LRIG2: variants seen among roughly 807,000 people sequenced by gnomAD.
LRIG2 encodes leucine-rich repeats and immunoglobulin-like domains protein 2.
Under a neutral mutation model 107.8 loss-of-function variants are expected in LRIG2, and 93 were observed. The observed-to-expected ratio is 0.86, with a 90% CI of 0.73 to 1.03. LRIG2 has a LOEUF of 1.03. Ranked by LOEUF, LRIG2 falls within the 50% of genes least tolerant of loss-of-function variation. The pLI is 0.00. For synonymous variants in LRIG2, 471 were observed against 470.6 expected, an observed-to-expected ratio of 1.00 and a Z score of -0.01; for missense variants, 1,226 against 1,296.0, an observed-to-expected ratio of 0.95 and a Z score of 0.83.
intron 16 of LRIG2, among the ~76,000 whole-genome samples, chr1:113,118,346 A>G (rs1404719334): frequency 6.6e-6 from 1 of 152,214 alleles, no homozygotes. Context: ...TCTGTCAACC[A>G]TGTACTTGTC....
In LRIG2 at chr1:113,124,067, C is replaced by T. The variant is rs1254761551; in HGVS notation, c.3164C>T (p.Thr1055Ile). The change falls in exon 18 of 18, where the codon ACT (threonine) becomes ATT (isoleucine). Residue 1055 changes from threonine to isoleucine, a missense_variant. By Grantham distance (89) the Thr-to-Ile change is moderately conservative. This residue lies in a region of LRIG2 where 642 missense variants were observed against 712.2 expected (regional missense o/e 0.90). Transcript: ENST00000361127. The part of the protein sequence containing the change: ...LQDHAFDFSR[T>I]RNIQDGSEGT ...GATCATGCTTTTGATTTTAGTAGGACTCGGAACATTCAAGATGGTAGTGAG... is the reference window on the plus strand; with the variant it reads ...GATCATGCTTTTGATTTTAGTAGGATTCGGAACATTCAAGATGGTAGTGAG... The T allele has an allele frequency of 1.9e-6, 3 of 1,613,966 alleles. No homozygotes were observed. Among genetic ancestry groups the T allele is most frequent in the Admixed American group, 3.3e-5 (2 of 59,992 alleles).
rs1268133752 is a variant in LRIG2, at chr1:113,110,486, TGAA to T, written c.1724_1726del (p.Glu575del). The T allele has an allele frequency of 6.2e-7, 1 of 1,613,700 alleles. No individual in the cohort carries two copies. Among genetic ancestry groups the T allele is most frequent in the Non-Finnish European group, 8.5e-7 (1 of 1,179,528 alleles). On this transcript the variant is annotated inframe_deletion, in exon 13 of 18. Transcript: ENST00000361127. ...ATCTTTTCAATGTGAATTTCACAGA[TGAA>T]GGAAAATATCAGTGTATTGTTACTA...
chr1:113,087,108 A>C (rs756839377), intron 1 of LRIG2, among the ~76,000 whole-genome samples: 1 of 152,138 alleles, frequency 6.6e-6, no homozygotes, highest in Admixed American at 6.6e-5. Flanking sequence ...TCACCACTGC[A>C]TTTCAGCCTA....
chr1:113,108,514 G>A (rs1305573828), intron 12 of LRIG2, among the ~76,000 whole-genome samples: 18 of 151,140 alleles, frequency 1.2e-4, no homozygotes, highest in Admixed American at 9.9e-4. Context: ...GTGAGCCACC[G>A]TGCCCAGACA....
At chr1:113,111,781 C>G (rs1407767343) in intron 13 of LRIG2, among the ~76,000 whole-genome samples, 2 of 151,946 alleles carry the variant, frequency 1.3e-5, no homozygotes, top group African/African-American at 4.8e-5. Flanking sequence ...TTTTAGCATG[C>G]AGTTTCCTTG....
chr1:113,116,176 C>T lies in LRIG2; in HGVS notation c.2531-111C>T, dbSNP rs1431596313. ...CCAAGAGCTGTTGCGGTCCTAGGTA[C>T]GTACAGTTTTTCTTGCTAATAGTAT... On this transcript the variant is annotated intron_variant, in intron 15 of 17. Transcript: ENST00000361127. 5 of 776,982 alleles carry T rather than the reference C, an allele frequency of 6.4e-6. No homozygotes were observed. In the African/African-American group the frequency reaches 7.0e-5, roughly 11 times the overall value. The allele number at this position is 776,982 out of a possible 1,614,324, so 48.1% of individuals were successfully genotyped here.
chr1:113,130,274 A>C lies in LRIG2; in HGVS notation c.*6173A>C, dbSNP rs983776999. 5 of 152,226 alleles carry C rather than the reference A, an allele frequency of 3.3e-5. No individual in the cohort carries two copies. Among genetic ancestry groups the C allele is most frequent in the Non-Finnish European group, 5.9e-5 (4 of 68,046 alleles). The allele number at this position is 152,226 out of a possible 1,614,324, so 9.4% of individuals were successfully genotyped here. A position where few individuals can be genotyped will look rare whatever the true frequency, so the allele number is the denominator to read the frequency against. On this transcript the variant is annotated 3_prime_UTR_variant, in exon 18 of 18. Transcript: ENST00000361127. ...AAGCTCCCCTAAAGTGCCAACTCAG[A>C]ATAACTTTCATGTTTAAAAACAGCT...
Position 113,096,248 on chromosome 1 carries a change from G to T in LRIG2, c.974G>T (p.Arg325Leu). 6.2e-7 allele frequency: 1 copy of T among 1,614,062 alleles called. No individual in the cohort carries two copies. The change falls in exon 8 of 18, where the codon CGC becomes CTC. Residue 325 changes from arginine (R) to leucine (L), a missense_variant. Arg to Leu is a moderately radical substitution (Grantham distance 102, BLOSUM62 -2). Around this residue, in one of 3 missense-constraint regions of LRIG2, gnomAD observed 570 missense variants for 550.2 expected, o/e 1.04. Coordinates refer to ENST00000361127, the MANE Select transcript of LRIG2 (RefSeq NM_014813.3). ...GATTTGTCCTATAACCAGCTGACCCGCCTGGATGAATCTGCCTTTGTGGGT... is the reference window on the plus strand; with the variant it reads ...GATTTGTCCTATAACCAGCTGACCCTCCTGGATGAATCTGCCTTTGTGGGT... The part of the protein sequence containing the change: ...ELDLSYNQLT[R>L]LDESAFVGLS...
chr1:113,123,198 T>A (rs1655334196), intron 17 of LRIG2, among the ~76,000 whole-genome samples: 1 of 152,226 alleles, frequency 6.6e-6, no homozygotes. Context: ...AATCAATGAT[T>A]ATTACCTATC....
intron 1 of LRIG2, 57 bp downstream of exon 1, chr1:113,073,702 G>C: frequency 6.7e-7 from 1 of 1,495,808 alleles, no homozygotes; most frequent in South Asian, 1.2e-5. Context: ...CCCTCTACAG[G>C]GGGCAGGCAG....
chr1:113,101,389 T>A (rs1654304659), intron 11 of LRIG2, among the ~76,000 whole-genome samples: 1 of 152,146 alleles, frequency 6.6e-6, no homozygotes, highest in Admixed American at 6.5e-5. Context: ...TAAACTCTAT[T>A]GATTCAAATA....
intron 17 of LRIG2, among the ~76,000 whole-genome samples, chr1:113,122,009 C>A (rs1290953881): frequency 6.7e-6 from 1 of 150,330 alleles, no homozygotes; most frequent in African/African-American, 2.4e-5. Flanking sequence ...TTTACTACTT[C>A]ATGTCCCACA....
chr1:113,077,066 A>G (rs970599103), intron 1 of LRIG2, among the ~76,000 whole-genome samples: 4 of 152,310 alleles, frequency 2.6e-5, no homozygotes, highest in Non-Finnish European at 4.4e-5. Context: ...GGACGCTTCT[A>G]TAGATTATAT....
intron 3 of LRIG2, 71 bp from the exon 4 acceptor site, chr1:113,093,359 A>C: frequency 6.4e-7 from 1 of 1,569,126 alleles, no homozygotes; most frequent in Non-Finnish European, 8.7e-7. Flanking sequence ...TATATTGTTG[A>C]TTCTAATTAA....
At chr1:113,100,713 C>G (rs1204030080) in intron 11 of LRIG2, 11 of 389,370 alleles carry the variant, frequency 2.8e-5, no homozygotes, top group Non-Finnish European at 5.3e-5. Context: ...TTTGCCTGTT[C>G]TACCAATGCT....
intron 1 of LRIG2, among the ~76,000 whole-genome samples, chr1:113,085,058 G>A (rs1653486885): frequency 6.6e-6 from 1 of 152,154 alleles, no homozygotes; most frequent in Admixed American, 6.5e-5. Context: ...ACTTTACTTT[G>A]TTGTAAACCA....
rs1655655498 is a variant in LRIG2 at position 113,130,247 on chromosome 1, C to T, written c.*6146C>T. ...AAATAGCAGGAACCCATTCCAATGT[C>T]CAAGCTCCCCTAAAGTGCCAACTCA... On this transcript the variant is annotated 3_prime_UTR_variant, in exon 18 of 18. Transcript: ENST00000361127. 6.6e-6 allele frequency: 1 copy of T among 152,156 alleles called. No homozygotes were observed. The highest frequency in any genetic ancestry group is 1.5e-5 in the Non-Finnish European group (1 of 68,032). The allele number at this position is 152,156 out of a possible 1,614,324, so 9.4% of individuals were successfully genotyped here. A position where few individuals can be genotyped will look rare whatever the true frequency, so the allele number is the denominator to read the frequency against.
Position 113,105,927 on chromosome 1 carries a change from TC to T in LRIG2, c.1314-1666del, listed in dbSNP as rs1221067736. On this transcript the variant is annotated intron_variant, in intron 11 of 17. Coordinates refer to ENST00000361127, the MANE Select transcript of LRIG2 (RefSeq NM_014813.3). ...GTTGAACAATGTAAGTCAATTTTTT[TC>T]ATTCTTAAAATTGAAACTTTGCCAG... is the stretch of plus-strand genomic sequence containing the variant. 2.0e-5 allele frequency among the ~76,000 whole-genome samples: 3 copies of T among 152,322 alleles called. No homozygotes were observed. The East Asian group carries it at 5.8e-4, about 29-fold the overall frequency.
chr1:113,079,073 G>A lies in LRIG2; in HGVS notation c.239+5428G>A, dbSNP rs1019663058. On this transcript the variant is annotated intron_variant, in intron 1 of 17. Coordinates refer to ENST00000361127, the MANE Select transcript of LRIG2 (RefSeq NM_014813.3). ...GAAAATGAGCCCTGTGACCTGGTGC[G>A]GTGGCTCACGCCTGTAATCCCAGCA... Among the ~76,000 whole-genome samples the A allele has an allele frequency of 5.3e-5, 8 of 152,170 alleles. No individual in the cohort carries two copies. In the East Asian group the frequency reaches 5.8e-4, roughly 11 times the overall value.
Sources: gnomAD v4.1 joint callset for allele counts (sites outside exome capture counted in the v4.1 genomes callset) on GRCh38, gnomAD v4.1.1 for gene constraint, gnomAD v4.1.1 regional missense constraint, MANE v1.5 for transcripts, NCBI Gene and HGNC (gene_info 2026-07-23, HGNC 2026-07-21) for gene names.